HOXB4: variants seen among roughly 807,000 people sequenced by gnomAD.
HOXB4 encodes homeobox protein Hox-B4.
A neutral mutation model predicts 20.0 loss-of-function variants in HOXB4; 13 were observed. That is an observed-to-expected ratio of 0.65 (90% CI 0.42 to 1.03). HOXB4 has a LOEUF of 1.03. HOXB4 is among the 50% of genes least tolerant of loss of function. The pLI is 0.00. For synonymous variants in HOXB4, 173 were observed against 148.9 expected (o/e 1.16, Z -1.18); for missense variants, 343 against 357.1 (o/e 0.96, Z 0.32).
In HOXB4 at chr17:48,576,699, C is replaced by G; in HGVS notation, c.*23G>C. ...CACTGCCCACCCCCACCCCGAGGTT[C>G]GTGGCTCCCGCGTGCGGGGGCACTA... On this transcript the variant is annotated 3_prime_UTR_variant, in exon 2 of 2. Coordinates refer to ENST00000332503, the MANE Select transcript of HOXB4 (RefSeq NM_024015.5). 8.1e-7 allele frequency: 1 copy of G among 1,232,160 alleles called. No individual in the cohort carries two copies. Among genetic ancestry groups the G allele is most frequent in the Non-Finnish European group, 1.1e-6 (1 of 927,184 alleles). The allele number at this position is 1,232,160 out of a possible 1,614,324, so 76.3% of individuals were successfully genotyped here.
Position 48,578,163 on chromosome 17 carries a change from C to A in HOXB4, c.157G>T (p.Gly53Cys), listed in dbSNP as rs200945027. Residue 53 changes from glycine (G) to cysteine (C), a missense_variant, in exon 1 of 2, where the codon GGC becomes TGC. Around this residue, in one of 3 missense-constraint regions of HOXB4, gnomAD observed 241 missense variants for 222.0 expected, o/e 1.09. Transcript: ENST00000332503. Reference protein sequence around the residue: ...RRESSFQPEAGFGRRAACTVQ... With the variant: ...RRESSFQPEACFGRRAACTVQ... ...GTGCACGCCGCGCGCCGCCCGAAGCCCGCCTCCGGCTGGAAGCTGCTCTCT... is the reference window on the plus strand; with the variant it reads ...GTGCACGCCGCGCGCCGCCCGAAGCACGCCTCCGGCTGGAAGCTGCTCTCT... The A allele has an allele frequency of 1.9e-6, 3 of 1,605,686 alleles. No homozygotes were observed. The Admixed American group carries it at 5.1e-5, about 27-fold the overall frequency.
chr17:48,576,659 C>A lies in HOXB4; in HGVS notation c.*63G>T. ...CCAGGGCCCCCTCCTGTCCCCCCAC[C>A]CCATCCCCTGCACTCACTGCCCACC... On this transcript the variant is annotated 3_prime_UTR_variant, in exon 2 of 2. Transcript: ENST00000332503. 1 of 891,842 alleles carries A rather than the reference C, an allele frequency of 1.1e-6. No individual in the cohort carries two copies. Among genetic ancestry groups the A allele is most frequent in the Non-Finnish European group, 1.6e-6 (1 of 641,974 alleles). 55.2% of individuals were successfully genotyped at this position (891,842 alleles called of 1,614,324 possible). A position where few individuals can be genotyped will look rare whatever the true frequency, so the allele number is the denominator to read the frequency against.
intron 1 of HOXB4, 65 bp downstream of exon 1, chr17:48,577,798 C>T: frequency 7.6e-7 from 1 of 1,314,474 alleles, no homozygotes; most frequent in Non-Finnish European, 9.8e-7. Flanking sequence ...CCAACCCATG[C>T]CTCCGAAGTC....
rs776635512 is a variant in HOXB4 at position 48,578,217 on chromosome 17, G to A, written c.103C>T (p.Pro35Ser). Residue 35 changes from proline (P) to serine (S), a missense_variant, in exon 1 of 2, where the codon CCC becomes TCC. Coordinates refer to ENST00000332503, the MANE Select transcript of HOXB4 (RefSeq NM_024015.5). ...QSDYLPSDHS[P>S]GYYAGGQRRE... ...CTCTGGCCGCCGGCGTAGTACCCGGGCGAGTGGTCGCTGGGTAGGTAATCG... is the reference window on the plus strand; with the variant it reads ...CTCTGGCCGCCGGCGTAGTACCCGGACGAGTGGTCGCTGGGTAGGTAATCG... 4 of 1,613,822 alleles carry A rather than the reference G, an allele frequency of 2.5e-6. No individual in the cohort carries two copies. The highest frequency in any genetic ancestry group is 1.3e-5 in the African/African-American group (1 of 74,926).
chr17:48,578,130 G>T lies in HOXB4; in HGVS notation c.190C>A (p.Arg64Ser). ...CCAGGGTCCCGGCAGGCCGCGTAGC[G>T]CTGCACGGTGCACGCCGCGCGCCGC... ...FGRRAACTVQ[R>S]YAACRDPGPP... is the part of the protein sequence containing the mutation. Residue 64 changes from arginine (R) to serine (S), a missense_variant, in exon 1 of 2, where the codon CGC becomes AGC. Arg to Ser is a moderately radical substitution (Grantham distance 110). Coordinates refer to ENST00000332503, the MANE Select transcript of HOXB4 (RefSeq NM_024015.5). The T allele has an allele frequency of 3.9e-6, 6 of 1,529,900 alleles. No homozygotes were observed. Among genetic ancestry groups the T allele is most frequent in the Non-Finnish European group, 5.3e-6 (6 of 1,123,936 alleles). 94.8% of individuals were successfully genotyped at this position (1,529,900 alleles called of 1,614,324 possible). A position where few individuals can be genotyped will look rare whatever the true frequency, so the allele number is the denominator to read the frequency against.
rs146689001 is a variant in HOXB4, at chr17:48,576,421, CTCTT to C, written c.*297_*300del. ...GAGGAGCTGCAGCCTCCTCCTATTT[CTCTT>C]TCTGTCTTTTTCTTTCTTCCTTCTT... On this transcript the variant is annotated 3_prime_UTR_variant, in exon 2 of 2. Transcript: ENST00000332503. The C allele has an allele frequency of 0.047, 13,844 of 293,978 alleles. 418 individuals carry two copies. Among genetic ancestry groups the C allele is most frequent in the South Asian group, 0.063 (521 of 8,238 alleles). 18.2% of individuals were successfully genotyped at this position (293,978 alleles called of 1,614,324 possible). A position where few individuals can be genotyped will look rare whatever the true frequency, so the allele number is the denominator to read the frequency against.
At position 48,577,993 on chromosome 17, in the gene HOXB4, G is replaced by A; in HGVS notation, c.327C>T (p.Arg109=). The change falls in exon 1 of 2, where the codon CGC becomes CGT. Residue 109 remains arginine, a synonymous_variant. Transcript: ENST00000332503. ...AGALLPEPGQ[R]CEAVSSSPPP... ...GGGGGCTGCTGCTGACCGCCTCGCA[G>A]CGCTGGCCGGGCTCCGGGAGGAGGG... The A allele has an allele frequency of 7.7e-7, 1 of 1,302,712 alleles. No homozygotes were observed. Among genetic ancestry groups the A allele is most frequent in the East Asian group, 2.8e-5 (1 of 35,588 alleles). 80.7% of individuals were successfully genotyped at this position (1,302,712 alleles called of 1,614,324 possible).
At chr17:48,577,153 G>T (rs1261623243) in intron 1 of HOXB4, 133 bp from the exon 2 acceptor site, 2 of 894,258 alleles carry the variant, frequency 2.2e-6, no homozygotes, top group Non-Finnish European at 3.3e-6. Flanking sequence ...AGGGAGAGCG[G>T]GGAAAAACGA....
chr17:48,576,404 G>A lies in HOXB4; in HGVS notation c.*318C>T, dbSNP rs952623244. On this transcript the variant is annotated 3_prime_UTR_variant, in exon 2 of 2. Coordinates refer to ENST00000332503, the MANE Select transcript of HOXB4 (RefSeq NM_024015.5). ...TCGCCAAAGCTGAAAACGAGGAGCT[G>A]CAGCCTCCTCCTATTTCTCTTTCTG... 4 of 251,320 alleles carry A rather than the reference G, an allele frequency of 1.6e-5. No homozygotes were observed. The highest frequency in any genetic ancestry group is 3.0e-5 in the Non-Finnish European group (4 of 133,236). The allele number at this position is 251,320 out of a possible 1,614,324, so 15.6% of individuals were successfully genotyped here.
Position 48,576,522 on chromosome 17 carries a change from C to T in HOXB4, c.*200G>A. The T allele has an allele frequency of 2.4e-6, 1 of 416,940 alleles. No homozygotes were observed. Among genetic ancestry groups the T allele is most frequent in the Non-Finnish European group, 4.2e-6 (1 of 239,156 alleles). 25.8% of individuals were successfully genotyped at this position (416,940 alleles called of 1,614,324 possible). The stretch of plus-strand genomic sequence containing the variant: ...GAATCTTGCTTCTGGGGGGGCCTCC[C>T]CGTGGCCCTCTATTGTCATTTCTAT... On this transcript the variant is annotated 3_prime_UTR_variant, in exon 2 of 2. Coordinates refer to ENST00000332503, the MANE Select transcript of HOXB4 (RefSeq NM_024015.5).
rs1227650117 is a variant in HOXB4, at chr17:48,576,350, G to GT, written c.*371dup. The GT allele has an allele frequency of 5.8e-6, 1 of 172,776 alleles. No homozygotes were observed. Among genetic ancestry groups the GT allele is most frequent in the Non-Finnish European group, 1.2e-5 (1 of 82,158 alleles). The allele number at this position is 172,776 out of a possible 1,614,324, so 10.7% of individuals were successfully genotyped here. A position where few individuals can be genotyped will look rare whatever the true frequency, so the allele number is the denominator to read the frequency against. On this transcript the variant is annotated 3_prime_UTR_variant, in exon 2 of 2. Coordinates refer to ENST00000332503, the MANE Select transcript of HOXB4 (RefSeq NM_024015.5). ...CAAGACAGATGGGCCTGGACCTGGC[G>GT]TGATTAAAGATGAAACGTGGATCCA...
intron 1 of HOXB4, 78 bp from the exon 2 acceptor site, chr17:48,577,098 CA>C: frequency 7.3e-7 from 1 of 1,370,016 alleles, no homozygotes; most frequent in Non-Finnish European, 9.9e-7. Flanking sequence ...CCAGGGAACA[CA>C]GCGTTTCCCT....
In HOXB4 at chr17:48,576,565, C is replaced by T; in HGVS notation, c.*157G>A. ...ATTTCTATAAATAAAGCTTCCCCTCCCCCTCTTCTGCGTTTATTCGTATAT... is the reference window on the plus strand; with the variant it reads ...ATTTCTATAAATAAAGCTTCCCCTCTCCCTCTTCTGCGTTTATTCGTATAT... On this transcript the variant is annotated 3_prime_UTR_variant, in exon 2 of 2. Transcript: ENST00000332503. 1.8e-6 allele frequency: 1 copy of T among 562,358 alleles called. No individual in the cohort carries two copies. The highest frequency in any genetic ancestry group is 2.9e-6 in the Non-Finnish European group (1 of 343,258). The allele number at this position is 562,358 out of a possible 1,614,324, so 34.8% of individuals were successfully genotyped here. A position where few individuals can be genotyped will look rare whatever the true frequency, so the allele number is the denominator to read the frequency against.
Position 48,577,855 on chromosome 17 carries a change from G to A in HOXB4, c.457+8C>T, listed in dbSNP as rs2069816524. ...GGTGGGAGGGGGAAGGGGTGCCCAC[G>A]CACTCACCCGTGCTCACGTGAACTT... On this transcript the variant is annotated splice_region_variant and intron_variant, in intron 1 of 1. Coordinates refer to ENST00000332503, the MANE Select transcript of HOXB4 (RefSeq NM_024015.5). 6 of 1,401,790 alleles carry A rather than the reference G, an allele frequency of 4.3e-6. No individual in the cohort carries two copies. The highest frequency in any genetic ancestry group is 3.0e-5 in the African/African-American group (2 of 66,966). The allele number at this position is 1,401,790 out of a possible 1,614,324, so 86.8% of individuals were successfully genotyped here.
In HOXB4 at chr17:48,576,645, T is replaced by TGCCCCCCCCCCCAACCC; in HGVS notation, c.*76_*77insGGGTTGGGGGGGGGGGC. ...CCGGGGCCCAGGCCCCAGGGCCCCC[T>TGCCCCCCCCCCCAACCC]CCTGTCCCCCCACCCCATCCCCTGC... On this transcript the variant is annotated 3_prime_UTR_variant, in exon 2 of 2. Coordinates refer to ENST00000332503, the MANE Select transcript of HOXB4 (RefSeq NM_024015.5). The TGCCCCCCCCCCCAACCC allele has an allele frequency of 1.8e-6, 1 of 559,070 alleles. No individual in the cohort carries two copies. Among genetic ancestry groups the TGCCCCCCCCCCCAACCC allele is most frequent in the African/African-American group, 2.4e-5 (1 of 42,426 alleles). The allele number at this position is 559,070 out of a possible 1,614,324, so 34.6% of individuals were successfully genotyped here.
chr17:48,576,762 C>T lies in HOXB4; in HGVS notation c.716G>A (p.Gly239Glu). The T allele has an allele frequency of 6.2e-7, 1 of 1,613,704 alleles. No individual in the cohort carries two copies. ...RSGGAAGSAG[G>E]PPGRPNGGPR... ...GCCTCCATTGGGCCGGCCAGGGGGC[C>T]CTCCGGCTGAGCCTGCCGCACCACC... The change falls in exon 2 of 2, where the codon GGG becomes GAG. Residue 239 changes from glycine to glutamate, a missense_variant. By Grantham distance (98) the Gly-to-Glu change is moderately conservative (BLOSUM62 -2). Transcript: ENST00000332503.
At chr17:48,577,217 G>A (rs1471288620) in intron 1 of HOXB4, among the ~76,000 whole-genome samples, 197 bp from the exon 2 acceptor site, 1 of 152,212 alleles carries the variant, frequency 6.6e-6, no homozygotes, top group Non-Finnish European at 1.5e-5. Context: ...AGTTTTGGAG[G>A]GCTGTGCTGT....
chr17:48,576,668 T>TGCACTCACTGCCC lies in HOXB4; in HGVS notation c.*41_*53dup. On this transcript the variant is annotated 3_prime_UTR_variant, in exon 2 of 2. Coordinates refer to ENST00000332503, the MANE Select transcript of HOXB4 (RefSeq NM_024015.5). ...CCTCCTGTCCCCCCACCCCATCCCC[T>TGCACTCACTGCCC]GCACTCACTGCCCACCCCCACCCCG... 6.2e-6 allele frequency: 1 copy of TGCACTCACTGCCC among 160,114 alleles called. No individual in the cohort carries two copies. The highest frequency in any genetic ancestry group is 5.7e-5 in the South Asian group (1 of 17,624). 9.9% of individuals were successfully genotyped at this position (160,114 alleles called of 1,614,324 possible).
In HOXB4 at chr17:48,576,650, T is replaced by TCCCCCCCCCCCCCCC; in HGVS notation, c.*71_*72insGGGGGGGGGGGGGGG. 1 of 567,770 alleles carries TCCCCCCCCCCCCCCC rather than the reference T, an allele frequency of 1.8e-6. No individual in the cohort carries two copies. The highest frequency in any genetic ancestry group is 2.6e-6 in the Non-Finnish European group (1 of 383,214). 35.2% of individuals were successfully genotyped at this position (567,770 alleles called of 1,614,324 possible). A position where few individuals can be genotyped will look rare whatever the true frequency, so the allele number is the denominator to read the frequency against. On this transcript the variant is annotated 3_prime_UTR_variant, in exon 2 of 2. Transcript: ENST00000332503. ...GCCCAGGCCCCAGGGCCCCCTCCTG[T>TCCCCCCCCCCCCCCC]CCCCCCACCCCATCCCCTGCACTCA...
Sources: allele counts gnomAD v4.1 joint callset (sites outside exome capture counted in the v4.1 genomes callset), GRCh38; gene constraint gnomAD v4.1.1; regional missense constraint gnomAD v4.1.1; transcripts MANE v1.5; gene names NCBI Gene and HGNC (gene_info 2026-07-23, HGNC 2026-07-21).